Variants in ZNF438 observed in about 807,000 individuals in gnomAD.
ZNF438 encodes zinc finger protein 438.
In ZNF438, 25 loss-of-function variants were observed where a neutral mutation model predicts 38.0. The ratio of observed to expected loss-of-function variants is 0.66; its 90% CI spans 0.48 to 0.92. The LOEUF is 0.92. Ranked by LOEUF, ZNF438 falls within the 40% of genes least tolerant of loss-of-function variation. ZNF438 has a pLI of 0.00. For missense variants in ZNF438, 1,007 were observed against 999.6 expected (o/e 1.01, Z -0.10); for synonymous variants, 372 against 364.1 (o/e 1.02, Z -0.25).
intron 3 of ZNF438, among the ~76,000 whole-genome samples, chr10:30,898,082 GTTAAC>G (rs2041568388): frequency 6.6e-6 from 1 of 152,122 alleles, no homozygotes; most frequent in Non-Finnish European, 1.5e-5. Context: ...AGTTTGGGGG[GTTAAC>G]TTTAGTCTAA....
intron 1 of ZNF438, among the ~76,000 whole-genome samples, chr10:31,022,935 A>G (rs1172802128): frequency 6.6e-6 from 1 of 152,184 alleles, no homozygotes; most frequent in African/African-American, 2.4e-5. Flanking sequence ...CTTATTTCTC[A>G]TTGGCAAAAA....
At chr10:30,950,301 C>G (rs375796773) in intron 1 of ZNF438, among the ~76,000 whole-genome samples, 78 of 151,804 alleles carry the variant, frequency 5.1e-4, no homozygotes, top group Admixed American at 2.9e-3. Flanking sequence ...AAGCAGGAAA[C>G]ATCCAAAATT....
At chr10:30,998,253 A>G (rs1037200913) in intron 1 of ZNF438, among the ~76,000 whole-genome samples, 6 of 152,166 alleles carry the variant, frequency 3.9e-5, no homozygotes, top group African/African-American at 1.4e-4. Flanking sequence ...TAAAATATCA[A>G]GTATTGGCTG....
At chr10:31,025,368 A>G (rs1045866552) in intron 1 of ZNF438, among the ~76,000 whole-genome samples, 1 of 152,224 alleles carries the variant, frequency 6.6e-6, no homozygotes, top group Non-Finnish European at 1.5e-5. Context: ...ATGTCCCCAC[A>G]CACAAATGTG....
chr10:30,905,032 T>C (rs529884461), intron 3 of ZNF438, among the ~76,000 whole-genome samples: 1 of 152,256 alleles, frequency 6.6e-6, no homozygotes, highest in South Asian at 2.1e-4. Flanking sequence ...CCCTAAGAAT[T>C]TGGCACAGTA....
intron 3 of ZNF438, among the ~76,000 whole-genome samples, chr10:30,879,825 G>GTGAGC (rs2038965174): frequency 1.3e-5 from 2 of 152,104 alleles, no homozygotes; most frequent in Non-Finnish European, 2.9e-5. Flanking sequence ...GAGAGCATCA[G>GTGAGC]TGAGCTGCAG....
rs528473997 is a variant in ZNF438 at position 30,960,456 on chromosome 10, T to C, written c.-191-18805A>G. ...GTCAGCTAATTTTTGTGTATTGTTATTGTGAGGAAGTTAATTTTTGTATAT... is the reference window on the plus strand; with the variant it reads ...GTCAGCTAATTTTTGTGTATTGTTACTGTGAGGAAGTTAATTTTTGTATAT... On this transcript the variant is annotated intron_variant, in intron 1 of 5. Transcript: ENST00000413025. Among the ~76,000 whole-genome samples, 307 of 147,276 alleles carry C rather than the reference T, an allele frequency of 2.1e-3. 34 individuals are homozygous for C. The highest frequency in any genetic ancestry group is 0.015 in the Middle Eastern group (4 of 266).
At chr10:30,908,509 A>G (rs1173370229) in intron 3 of ZNF438, among the ~76,000 whole-genome samples, 1 of 152,190 alleles carries the variant, frequency 6.6e-6, no homozygotes, top group Non-Finnish European at 1.5e-5. Flanking sequence ...ATGCACAGTA[A>G]GGTGCTTGCT....
intron 1 of ZNF438, among the ~76,000 whole-genome samples, chr10:30,984,638 T>C (rs915673555): frequency 3.3e-5 from 5 of 152,154 alleles, no homozygotes; most frequent in African/African-American, 9.7e-5. Flanking sequence ...ATAAAAGTTT[T>C]AAGATAAATA....
chr10:30,924,256 A>G (rs1366378425), intron 2 of ZNF438, among the ~76,000 whole-genome samples: 1 of 152,186 alleles, frequency 6.6e-6, no homozygotes, highest in Non-Finnish European at 1.5e-5. Flanking sequence ...GAATGTTGCC[A>G]AGGAAGAAGG....
intron 4 of ZNF438, among the ~76,000 whole-genome samples, chr10:30,869,687 G>A (rs1346002963): frequency 2.0e-5 from 3 of 152,180 alleles, no homozygotes; most frequent in Admixed American, 6.5e-5. Flanking sequence ...CCAACATTAA[G>A]TAGTTAACCA....
intron 1 of ZNF438, among the ~76,000 whole-genome samples, chr10:31,009,789 T>C (rs890360685): frequency 1.3e-5 from 2 of 152,118 alleles, no homozygotes; most frequent in African/African-American, 4.8e-5. Context: ...TAGGACAACC[T>C]TGTTTTTGAG....
intron 3 of ZNF438, among the ~76,000 whole-genome samples, chr10:30,878,212 T>C (rs2038723706): frequency 6.6e-6 from 1 of 152,140 alleles, no homozygotes; most frequent in African/African-American, 2.4e-5. Flanking sequence ...ATAATGTCTT[T>C]TTACCAATCG....
At chr10:30,906,321 A>G (rs964652840) in intron 3 of ZNF438, among the ~76,000 whole-genome samples, 5 of 152,168 alleles carry the variant, frequency 3.3e-5, no homozygotes. Flanking sequence ...GTTTAATGCT[A>G]CTGCCAACGT....
Position 30,874,108 on chromosome 10 carries a change from GTGTGTGTATATATA to G in ZNF438, c.37+2876_37+2889del, listed in dbSNP as rs1302495385. On this transcript the variant is annotated intron_variant, in intron 4 of 5. Transcript: ENST00000413025. ...ATTACGTGTGGGTGTGTGGGGGTGT[GTGTGTGTATATATA>G]TATATATATATATATATATATATAT... is the stretch of plus-strand genomic sequence containing the variant. 2.3e-3 allele frequency among the ~76,000 whole-genome samples: 244 copies of G among 108,232 alleles called. 6 individuals carry two copies. Among genetic ancestry groups the G allele is most frequent in the African/African-American group, 8.5e-3 (216 of 25,420 alleles). The allele number at this position is 108,232 out of a possible 152,430, so 71.0% of individuals were successfully genotyped here.
chr10:30,902,615 GAC>G (rs1430757410), intron 3 of ZNF438, among the ~76,000 whole-genome samples: 2 of 152,132 alleles, frequency 1.3e-5, no homozygotes, highest in African/African-American at 2.4e-5. Flanking sequence ...AGATTAGCTA[GAC>G]ACAGAGCGCT....
intron 3 of ZNF438, among the ~76,000 whole-genome samples, chr10:30,884,749 T>C (rs989279056): frequency 6.6e-6 from 1 of 152,216 alleles, no homozygotes; most frequent in African/African-American, 2.4e-5. Context: ...AAATGAAAAT[T>C]AGGTGAATTG....
At chr10:30,993,672 TC>T (rs1365388296) in intron 1 of ZNF438, among the ~76,000 whole-genome samples, 1 of 151,988 alleles carries the variant, frequency 6.6e-6, no homozygotes, top group Non-Finnish European at 1.5e-5. Flanking sequence ...CGCAGCAGAG[TC>T]CCCACTAAAG....
intron 1 of ZNF438, among the ~76,000 whole-genome samples, chr10:30,996,425 G>A (rs1392837210): frequency 6.6e-6 from 1 of 151,898 alleles, no homozygotes; most frequent in Non-Finnish European, 1.5e-5. Context: ...CATACAAACA[G>A]TAAACATAAA....
Sources: gnomAD v4.1 joint callset for allele counts (sites outside exome capture counted in the v4.1 genomes callset) on GRCh38, gnomAD v4.1.1 for gene constraint, MANE v1.5 for transcripts, NCBI Gene and HGNC (gene_info 2026-07-23, HGNC 2026-07-21) for gene names.